The following SUCLG2 variants were observed in gnomAD, a reference collection of about 807,000 sequenced individuals.
The protein encoded by SUCLG2 is succinate--CoA ligase [GDP-forming] subunit beta, mitochondrial.
SUCLG2 carries 42 observed loss-of-function variants against 47.9 expected under a neutral mutation model. The observed-to-expected ratio is 0.88, with a 90% CI of 0.69 to 1.14. SUCLG2 has a LOEUF of 1.14. Among genes scored for constraint, SUCLG2 ranks in the 50% most tolerant of loss-of-function variants. The pLI, the probability that SUCLG2 is intolerant of heterozygous loss-of-function variation, is 0.00. For synonymous variants in SUCLG2, 195 were observed against 197.3 expected (o/e 0.99, Z 0.10); for missense variants, 571 against 525.9 (o/e 1.09, Z -0.84).
chr3:67,460,375 A>G (rs1704302288), intron 9 of SUCLG2, among the ~76,000 whole-genome samples: 2 of 152,244 alleles, frequency 1.3e-5, no homozygotes, highest in South Asian at 4.1e-4. Flanking sequence ...GTCATTTATT[A>G]AACACCAAAT....
intron 2 of SUCLG2, among the ~76,000 whole-genome samples, chr3:67,562,297 A>T (rs1218669488): frequency 6.6e-6 from 1 of 150,600 alleles, no homozygotes; most frequent in Non-Finnish European, 1.5e-5. Context: ...TTTTTTTTTG[A>T]GACAGAGTCT....
chr3:67,374,671 AAAT>A, downstream of SUCLG2: 1 of 784,868 alleles, frequency 1.3e-6, no homozygotes, highest in Non-Finnish European at 1.5e-6. Context: ...TAAAAAAAAA[AAAT>A]GTTTGAGGAA....
At chr3:67,499,162 A>T (rs4856868) in intron 7 of SUCLG2, among the ~76,000 whole-genome samples, 9,173 of 148,924 alleles carry the variant, frequency 0.062, 289 homozygotes, top group East Asian at 0.083. Context: ...TGATTACTAC[A>T]CTGAAGCAAA....
chr3:67,389,363 G>A (rs773321682), intron 10 of SUCLG2, among the ~76,000 whole-genome samples: 1 of 152,124 alleles, frequency 6.6e-6, no homozygotes, highest in Non-Finnish European at 1.5e-5. Context: ...GAATACAGGG[G>A]GCCATCCAAG....
At chr3:67,652,716 G>A (rs1434324331) in intron 1 of SUCLG2, among the ~76,000 whole-genome samples, 2 of 152,146 alleles carry the variant, frequency 1.3e-5, no homozygotes, top group African/African-American at 4.8e-5. Context: ...GAAACAGCAT[G>A]GTGTAACGGA....
Position 67,461,776 on chromosome 3 carries a change from G to A in SUCLG2, c.1062+34022C>T, listed in dbSNP as rs116159897. On this transcript the variant is annotated intron_variant, in intron 9 of 10. Coordinates refer to ENST00000307227, the MANE Select transcript of SUCLG2 (RefSeq NM_003848.4). ...CAAATGTCCCCTGGGAGGTAGCATG[G>A]CCCCCAGCTGAGAACAGCTGATCTG... 4.8e-3 allele frequency among the ~76,000 whole-genome samples: 729 copies of A among 152,156 alleles called. 8 individuals carry two copies. Among genetic ancestry groups the A allele is most frequent in the African/African-American group, 0.017 (701 of 41,526 alleles).
At chr3:67,382,261 G>C (rs1425923038) in intron 10 of SUCLG2, among the ~76,000 whole-genome samples, 1 of 152,160 alleles carries the variant, frequency 6.6e-6, no homozygotes, top group African/African-American at 2.4e-5. Flanking sequence ...TTACAGGAGA[G>C]GCAACAAAAA....
At chr3:67,540,511 G>C (rs1381994514) in intron 2 of SUCLG2, among the ~76,000 whole-genome samples, 2 of 152,100 alleles carry the variant, frequency 1.3e-5, no homozygotes, top group African/African-American at 4.8e-5. Flanking sequence ...CTCCTCTCTG[G>C]GCAGGGCATC....
intron 5 of SUCLG2, among the ~76,000 whole-genome samples, chr3:67,518,583 C>G (rs1482997575): frequency 6.6e-6 from 1 of 152,106 alleles, no homozygotes; most frequent in Non-Finnish European, 1.5e-5. Context: ...AAATCTGATG[C>G]CAGTTTTCAC....
intron 10 of SUCLG2, among the ~76,000 whole-genome samples, chr3:67,362,781 C>G (rs190661308): frequency 6.6e-6 from 1 of 152,172 alleles, no homozygotes; most frequent in Admixed American, 6.5e-5. Flanking sequence ...GTAACTGGAG[C>G]TGCCTCATTC....
chr3:67,471,593 G>A (rs9809635), intron 9 of SUCLG2, among the ~76,000 whole-genome samples: 14,551 of 152,238 alleles, frequency 0.096, 888 homozygotes, highest in East Asian at 0.19. Context: ...GTCTGGTCTA[G>A]GCTGACCTAG....
At chr3:67,533,563 G>A (rs1476921996) in intron 2 of SUCLG2, among the ~76,000 whole-genome samples, 1 of 152,082 alleles carries the variant, frequency 6.6e-6, no homozygotes, top group African/African-American at 2.4e-5. Context: ...GCAAGGAGAA[G>A]GCAAAGTGGA....
rs553470144 is a variant in SUCLG2 at position 67,577,527 on chromosome 3, A to AT, written c.226+31927dup. Among the ~76,000 whole-genome samples the AT allele has an allele frequency of 1.6e-3, 240 of 152,300 alleles. 3 individuals carry two copies. The highest frequency in any genetic ancestry group is 5.6e-3 in the African/African-American group (234 of 41,548). On this transcript the variant is annotated intron_variant, in intron 2 of 10. Coordinates refer to ENST00000307227, the MANE Select transcript of SUCLG2 (RefSeq NM_003848.4). The stretch of plus-strand genomic sequence containing the variant: ...GGAGGAGAGCTGATGTAAACATTAA[A>AT]TTTTCACAGCTACTAAATGCTAAAT...
chr3:67,401,502 A>G (rs1702682459), intron 9 of SUCLG2, among the ~76,000 whole-genome samples: 2 of 152,054 alleles, frequency 1.3e-5, no homozygotes, highest in Admixed American at 1.3e-4. Context: ...AGCTTCTTAG[A>G]AATGTAAATT....
chr3:67,594,432 G>A (rs2772463), intron 2 of SUCLG2, among the ~76,000 whole-genome samples: 56,166 of 151,874 alleles, frequency 0.37, 10,734 homozygotes, highest in Non-Finnish European at 0.41. Flanking sequence ...TCAGGATCTC[G>A]GCCTCTCCTG....
chr3:67,598,480 G>A (rs182844802), intron 2 of SUCLG2, among the ~76,000 whole-genome samples: 156 of 152,176 alleles, frequency 1.0e-3, no homozygotes, highest in Admixed American at 2.5e-3. Context: ...AAACCAATAG[G>A]GATGATCACC....
At chr3:67,580,594 G>A (rs955472761) in intron 2 of SUCLG2, among the ~76,000 whole-genome samples, 1 of 152,180 alleles carries the variant, frequency 6.6e-6, no homozygotes, top group Non-Finnish European at 1.5e-5. Context: ...GCTGAGTCCA[G>A]AAATGAAGCC....
intron 2 of SUCLG2, among the ~76,000 whole-genome samples, chr3:67,543,013 T>C (rs1253170121): frequency 6.6e-6 from 1 of 152,328 alleles, no homozygotes. Context: ...CAACAGAATA[T>C]ACATTCTTCT....
At chr3:67,502,517 C>G (rs1292986575) in intron 7 of SUCLG2, among the ~76,000 whole-genome samples, 1 of 152,178 alleles carries the variant, frequency 6.6e-6, no homozygotes, top group Non-Finnish European at 1.5e-5. Flanking sequence ...ATGTTCTACT[C>G]TAGGTGTTGG....
Sources: allele counts gnomAD v4.1 joint callset (sites outside exome capture counted in the v4.1 genomes callset), GRCh38; gene constraint gnomAD v4.1.1; transcripts MANE v1.5; gene names NCBI Gene and HGNC (gene_info 2026-07-23, HGNC 2026-07-21).